The following ANK3 variants were observed in gnomAD, a reference collection of about 807,000 sequenced individuals.
ANK3 encodes the protein ankyrin 3.
ANK3 carries 57 observed loss-of-function variants against 370.9 expected under a neutral mutation model. The observed-to-expected ratio is 0.15, with a 90% CI of 0.12 to 0.19. The LOEUF is 0.19. Among genes scored for constraint, ANK3 ranks in the 10% least tolerant of loss-of-function variants. The pLI is 1.00. For synonymous variants in ANK3, 1,929 were observed against 1,946.3 expected, an observed-to-expected ratio of 0.99 and a Z score of 0.23; for missense variants, 4,439 against 5,302.1, an observed-to-expected ratio of 0.84 and a Z score of 5.06.
At chr10:60,259,698 C>A (rs544858765) in intron 7 of ANK3, among the ~76,000 whole-genome samples, 1 of 152,172 alleles carries the variant, frequency 6.6e-6, no homozygotes, top group South Asian at 2.1e-4. Context: ...TTAGCAACAT[C>A]AGAAAATTTC....
intron 1 of ANK3, chr10:60,300,287 G>T: frequency 1.7e-6 from 2 of 1,192,222 alleles, no homozygotes; most frequent in Non-Finnish European, 2.2e-6. Flanking sequence ...TATAAGGAAA[G>T]TACATTTCAT....
At chr10:60,198,077 T>A (rs1396875072) in intron 14 of ANK3, among the ~76,000 whole-genome samples, 1 of 152,150 alleles carries the variant, frequency 6.6e-6, no homozygotes, top group Non-Finnish European at 1.5e-5. Flanking sequence ...GGCCACCAAA[T>A]AATTTACAAG....
chr10:60,588,656 C>A (rs1296487674), intron 2 of ANK3, among the ~76,000 whole-genome samples: 2 of 152,066 alleles, frequency 1.3e-5, no homozygotes, highest in African/African-American at 2.4e-5. Flanking sequence ...TGAGGTGGCT[C>A]ATGCCTGTAA....
rs576005949 is a variant in ANK3 at position 60,373,369 on chromosome 10, A to C, written c.114+16056T>G. Among the ~76,000 whole-genome samples the C allele has an allele frequency of 2.0e-5, 3 of 152,314 alleles. No homozygotes were observed. In the East Asian group the frequency reaches 5.8e-4, roughly 29 times the overall value. ...CAAAATAAGAATGCAAATGAATAAG[A>C]AACAAGATCCTGGGAGTTGAAGAGA... is the stretch of plus-strand genomic sequence containing the variant. On this transcript the variant is annotated intron_variant, in intron 1 of 43. Transcript: ENST00000280772.
intron 1 of ANK3, among the ~76,000 whole-genome samples, chr10:60,697,601 A>G (rs2079479840): frequency 1.4e-5 from 2 of 141,484 alleles, no homozygotes; most frequent in Admixed American, 1.4e-4. Context: ...ATAATGCCGC[A>G]TATCTACAAC....
At chr10:60,639,717 A>C (rs1308995947) in intron 1 of ANK3, among the ~76,000 whole-genome samples, 2 of 152,000 alleles carry the variant, frequency 1.3e-5, no homozygotes, top group Non-Finnish European at 2.9e-5. Context: ...GATAAAACAC[A>C]GAAGTATTTC....
intron 23 of ANK3, among the ~76,000 whole-genome samples, chr10:60,147,405 A>AG (rs773308737): frequency 1.3e-5 from 2 of 152,114 alleles, no homozygotes; most frequent in African/African-American, 2.4e-5. Flanking sequence ...GGTGGGAGAG[A>AG]GGGTCTTCAC....
At chr10:60,496,528 G>T (rs145422555) in intron 2 of ANK3, among the ~76,000 whole-genome samples, 2 of 149,784 alleles carry the variant, frequency 1.3e-5, no homozygotes, top group African/African-American at 2.4e-5. Context: ...ATAACATTTC[G>T]TCTCTGGGGG....
intron 8 of ANK3, among the ~76,000 whole-genome samples, chr10:60,226,550 C>CA (rs1198142729): frequency 1.5e-3 from 15 of 10,340 alleles, no homozygotes; most frequent in South Asian, 0.011. Flanking sequence ...AGTATATATA[C>CA]TATAGTATAT....
At chr10:60,277,805 A>T (rs555537895) in intron 4 of ANK3, among the ~76,000 whole-genome samples, 15 of 152,174 alleles carry the variant, frequency 9.9e-5, no homozygotes, top group Admixed American at 3.3e-4. Flanking sequence ...CAATTTGTTC[A>T]ATATCCAACA....
chr10:60,098,443 T>A (rs1056518189), intron 28 of ANK3, among the ~76,000 whole-genome samples: 1 of 152,152 alleles, frequency 6.6e-6, no homozygotes, highest in Non-Finnish European at 1.5e-5. Context: ...AATATTCAAC[T>A]CTAGTTATAG....
At chr10:60,562,794 A>C (rs956198) in intron 2 of ANK3, among the ~76,000 whole-genome samples, 31,365 of 152,180 alleles carry the variant, frequency 0.21, 3,675 homozygotes, top group South Asian at 0.38. Flanking sequence ...AACTTAAAAA[A>C]AATTAAAGTG....
intron 1 of ANK3, among the ~76,000 whole-genome samples, chr10:60,335,343 A>T (rs775433730): frequency 1.4e-5 from 2 of 145,060 alleles, no homozygotes; most frequent in Non-Finnish European, 3.1e-5. Flanking sequence ...GTGGGACATT[A>T]AAAAAAAAAC....
intron 2 of ANK3, among the ~76,000 whole-genome samples, chr10:60,448,956 C>T (rs946008984): frequency 5.3e-5 from 8 of 152,228 alleles, no homozygotes; most frequent in African/African-American, 1.7e-4. Context: ...GACTGAAGCG[C>T]TGACCTTTAT....
chr10:60,301,995 A>G (rs970955851), intron 1 of ANK3, among the ~76,000 whole-genome samples: 37 of 152,304 alleles, frequency 2.4e-4, no homozygotes, highest in Non-Finnish European at 4.0e-4. Context: ...GTGTAAGTCT[A>G]TTCACTCAAC....
chr10:60,399,929 G>A (rs7898454), intron 2 of ANK3, among the ~76,000 whole-genome samples: 147,576 of 152,092 alleles, frequency 0.97, 71,749 homozygotes, highest in East Asian at 1. Flanking sequence ...AGTGTCCGTT[G>A]CATTAGCCCT....
chr10:60,369,971 T>C lies in ANK3; in HGVS notation c.114+19454A>G, dbSNP rs561121646. Among the ~76,000 whole-genome samples the C allele has an allele frequency of 9.2e-5, 14 of 152,292 alleles. No homozygotes were observed. The South Asian group carries it at 2.9e-3, about 32-fold the overall frequency. ...GTAACGGCATTCTTTACTGGTAATT[T>C]GAGATTTTAATATTAAGGTGACATT... On this transcript the variant is annotated intron_variant, in intron 1 of 43. Coordinates refer to ENST00000280772, the MANE Select transcript of ANK3 (RefSeq NM_020987.5).
intron 23 of ANK3, among the ~76,000 whole-genome samples, chr10:60,152,167 C>G (rs2095155763): frequency 6.6e-6 from 1 of 152,208 alleles, no homozygotes; most frequent in Non-Finnish European, 1.5e-5. Flanking sequence ...CAGGACAACT[C>G]TGATCCTATG....
intron 1 of ANK3, among the ~76,000 whole-genome samples, chr10:60,723,211 G>C (rs2132027091): frequency 1.3e-5 from 2 of 152,292 alleles, no homozygotes; most frequent in South Asian, 4.1e-4. Flanking sequence ...ATCATCTCTT[G>C]AATCTAATCA....
Sources: gnomAD v4.1 joint callset for allele counts (sites outside exome capture counted in the v4.1 genomes callset) on GRCh38, gnomAD v4.1.1 for gene constraint, MANE v1.5 for transcripts, NCBI Gene and HGNC (gene_info 2026-07-23, HGNC 2026-07-21) for gene names.